Variants in DST observed in about 807,000 individuals in gnomAD.
DST encodes bullous pemphigoid antigen.
In DST, 253 loss-of-function variants were observed where a neutral mutation model predicts 875.2. That is an observed-to-expected ratio of 0.29 (90% CI 0.26 to 0.32). The LOEUF is 0.32. DST is among the 10% of genes least tolerant of loss of function. DST has a pLI of 1.00. For missense variants in DST, 8,287 were observed against 9,111.6 expected (o/e 0.91, Z 3.68); for synonymous variants, 3,124 against 3,197.1 (o/e 0.98, Z 0.77).
chr6:56,882,642 G>A (rs1461889385), intron 3 of DST, among the ~76,000 whole-genome samples: 1 of 152,190 alleles, frequency 6.6e-6, no homozygotes, highest in Non-Finnish European at 1.5e-5. Flanking sequence ...ATAATGGCAT[G>A]TAATGCCAAT....
intron 3 of DST, among the ~76,000 whole-genome samples, chr6:56,891,069 C>A (rs1403504646): frequency 6.6e-6 from 1 of 152,218 alleles, no homozygotes; most frequent in African/African-American, 2.4e-5. Context: ...CTGCACCTAA[C>A]CAAATCCAGA....
In DST at chr6:56,619,770, A is replaced by G. The variant is rs1426265208; in HGVS notation, c.4929+4760T>C. The G allele has an allele frequency of 2.5e-6, 4 of 1,614,050 alleles. No individual in the cohort carries two copies. Among genetic ancestry groups the G allele is most frequent in the East Asian group, 2.2e-5 (1 of 44,880 alleles). ...GCCTGATCCTTCCTTTCCAGCTCCA[A>G]CTTAAGGCATCTGAGTGTATTATTT... is the stretch of plus-strand genomic sequence containing the variant. On this transcript the variant is annotated intron_variant, in intron 36 of 103. Coordinates refer to ENST00000680361, the MANE Select transcript of DST (RefSeq NM_001374736.1).
intron 4 of DST, chr6:56,843,699 G>A: frequency 2.2e-6 from 2 of 892,286 alleles, no homozygotes; most frequent in African/African-American, 1.9e-5. Context: ...GGGGAGAGAG[G>A]GAGGGAGGAG....
intron 3 of DST, among the ~76,000 whole-genome samples, chr6:56,879,161 C>A (rs1780840021): frequency 6.6e-6 from 1 of 152,184 alleles, no homozygotes; most frequent in African/African-American, 2.4e-5. Context: ...TTCTACGTAT[C>A]TTACTGCATT....
chr6:56,552,574 A>G lies in DST; in HGVS notation c.16218T>C (p.Asp5406=). 3 of 1,613,996 alleles carry G rather than the reference A, an allele frequency of 1.9e-6. No homozygotes were observed. The highest frequency in any genetic ancestry group is 1.6e-4 in the Middle Eastern group (1 of 6,062). The change falls in exon 61 of 104, where the codon GAT becomes GAC. Residue 5406 remains aspartate (D), a synonymous_variant. Coordinates refer to ENST00000680361, the MANE Select transcript of DST (RefSeq NM_001374736.1). ...SQFAEFDDEL[D]SMAPVGRDAE... ...CATCTCTCCCCACTGGAGCCATGCT[A>G]TCCAGTTCATCATCAAACTCTGCGA...
chr6:56,607,154 C>T lies in DST; in HGVS notation c.7474G>A (p.Gly2492Arg). Residue 2492 changes from glycine to arginine, a missense_variant, in exon 40 of 104, where the codon GGA (glycine) becomes AGA (arginine). Physicochemically the swap from Gly to Arg is moderately radical, Grantham distance 125. Coordinates refer to ENST00000680361, the MANE Select transcript of DST (RefSeq NM_001374736.1). ...IGEKFQDQFLGIAAINISLPG... is the reference protein window; with the variant it reads ...IGEKFQDQFLRIAAINISLPG... ...AAACTGATGTTAATAGCTGCAATTC[C>T]CAGAAACTGGTCTTGAAATTTTTCT... The T allele has an allele frequency of 6.2e-7, 1 of 1,613,250 alleles. No individual in the cohort carries two copies. Among genetic ancestry groups the T allele is most frequent in the Non-Finnish European group, 8.5e-7 (1 of 1,179,558 alleles).
chr6:56,579,871 G>A (rs1321062260), intron 49 of DST, among the ~76,000 whole-genome samples: 3 of 152,214 alleles, frequency 2.0e-5, no homozygotes, highest in African/African-American at 7.2e-5. Context: ...CTGTCCTATA[G>A]GAAGGCTAAA....
In DST at chr6:56,871,721, AC is replaced by A. The variant is rs1777201166; in HGVS notation, c.418-20118del. The A allele has an allele frequency of 4.7e-6, 3 of 637,204 alleles. No homozygotes were observed. The Admixed American group carries it at 6.2e-5, about 13-fold the overall frequency. The allele number at this position is 637,204 out of a possible 1,614,324, so 39.5% of individuals were successfully genotyped here. ...AGATATCCCAGAAGAAACTGAAGAA[AC>A]AAAAACTTACAGCACAGGAGTAAAT... On this transcript the variant is annotated intron_variant, in intron 3 of 103. Transcript: ENST00000680361.
chr6:56,745,823 A>C (rs952674656), intron 4 of DST, among the ~76,000 whole-genome samples: 1 of 152,216 alleles, frequency 6.6e-6, no homozygotes, highest in Non-Finnish European at 1.5e-5. Flanking sequence ...ATGGCCAACA[A>C]AAATATGGGG....
At chr6:56,904,905 T>C (rs1795711213) in intron 2 of DST, among the ~76,000 whole-genome samples, 1 of 152,216 alleles carries the variant, frequency 6.6e-6, no homozygotes, top group African/African-American at 2.4e-5. Context: ...TTCTCCTGCC[T>C]CAGCCTCCTG....
intron 101 of DST, 32 bp from the exon 102 acceptor site, chr6:56,463,188 G>A (rs767696791): frequency 2.3e-6 from 3 of 1,319,124 alleles, no homozygotes; most frequent in South Asian, 1.2e-5. Context: ...CAAATGAAAA[G>A]GATAGCAGAT....
At chr6:56,558,205 C>T (rs2097460763) in intron 58 of DST, among the ~76,000 whole-genome samples, 1 of 152,088 alleles carries the variant, frequency 6.6e-6, no homozygotes, top group South Asian at 2.1e-4. Flanking sequence ...TTCTCAATGC[C>T]ATAACTCCAT....
chr6:56,884,857 T>G (rs1783904191), intron 3 of DST, among the ~76,000 whole-genome samples: 1 of 152,088 alleles, frequency 6.6e-6, no homozygotes, highest in Non-Finnish European at 1.5e-5. Context: ...GCCTCCCAGG[T>G]AGCTGAGACT....
chr6:56,756,226 C>A (rs74681658), intron 4 of DST, among the ~76,000 whole-genome samples: 5,854 of 152,068 alleles, frequency 0.038, 368 homozygotes, highest in African/African-American at 0.13. Context: ...ACAGACCAGA[C>A]ACAGAAGTGT....
intron 4 of DST, among the ~76,000 whole-genome samples, chr6:56,787,863 G>T (rs1202758841): frequency 1.3e-5 from 2 of 151,996 alleles, no homozygotes; most frequent in African/African-American, 2.4e-5. Context: ...TTGAGGCTGG[G>T]TGTGGTGGCT....
At chr6:56,913,345 T>C (rs535640541) in intron 2 of DST, among the ~76,000 whole-genome samples, 3 of 152,366 alleles carry the variant, frequency 2.0e-5, no homozygotes, top group Admixed American at 2.0e-4. Context: ...GAAGTTTGCC[T>C]AATACTTTGT....
chr6:56,611,834 A>G lies in DST; in HGVS notation c.5059-238T>C, dbSNP rs76679633. Among the ~76,000 whole-genome samples the G allele has an allele frequency of 0.02, 3,115 of 152,264 alleles. 97 individuals carry two copies. Among genetic ancestry groups the G allele is most frequent in the African/African-American group, 0.07 (2,913 of 41,536 alleles). On this transcript the variant is annotated intron_variant, in intron 37 of 103. Coordinates refer to ENST00000680361, the MANE Select transcript of DST (RefSeq NM_001374736.1). ...AATGCCGTCATTTTCAAGAGAAAATAATACATTATACGTTTCCTGCATCTG... is the reference window on the plus strand; with the variant it reads ...AATGCCGTCATTTTCAAGAGAAAATGATACATTATACGTTTCCTGCATCTG...
chr6:56,652,465 C>T (rs1041497617), intron 10 of DST, among the ~76,000 whole-genome samples: 1 of 152,184 alleles, frequency 6.6e-6, no homozygotes, highest in Admixed American at 6.5e-5. Flanking sequence ...ACAAGCATTC[C>T]TGTTTGCTCA....
intron 17 of DST, 97 bp from the exon 18 acceptor site, chr6:56,640,702 G>GT: frequency 1.0e-6 from 1 of 980,194 alleles, no homozygotes; most frequent in Middle Eastern, 2.0e-4. Flanking sequence ...TAATAATGAT[G>GT]TATCAATGTT....
Sources: allele counts gnomAD v4.1 joint callset (sites outside exome capture counted in the v4.1 genomes callset), GRCh38; gene constraint gnomAD v4.1.1; transcripts MANE v1.5; gene names NCBI Gene and HGNC (gene_info 2026-07-23, HGNC 2026-07-21).